The following USP34 variants were observed in gnomAD, a reference collection of about 807,000 sequenced individuals.
The protein encoded by USP34 is ubiquitin specific peptidase 34, also known as ubiquitin carboxyl-terminal hydrolase 34.
USP34 carries 70 observed loss-of-function variants against 460.3 expected under a neutral mutation model. That is an observed-to-expected ratio of 0.15 (90% CI 0.13 to 0.19). USP34 has a LOEUF of 0.19. USP34 is among the 10% of genes least tolerant of loss of function. The pLI is 1.00. For synonymous variants in USP34, 1,647 were observed against 1,405.3 expected, an observed-to-expected ratio of 1.17 and a Z score of -3.85; for missense variants, 3,985 against 4,236.2, an observed-to-expected ratio of 0.94 and a Z score of 1.65.
intron 5 of USP34, among the ~76,000 whole-genome samples, chr2:61,392,492 C>T (rs578030572): frequency 4.6e-5 from 7 of 152,064 alleles, no homozygotes; most frequent in African/African-American, 1.4e-4. Flanking sequence ...GGTGTGGTAG[C>T]GTGCACTAGT....
intron 1 of USP34, among the ~76,000 whole-genome samples, chr2:61,443,332 T>C (rs1360219210): frequency 1.3e-5 from 2 of 152,070 alleles, no homozygotes; most frequent in African/African-American, 2.4e-5. Context: ...TTGAGATGAA[T>C]ACACTAATTA....
At chr2:61,224,206 A>C (rs1687668278) in intron 62 of USP34, among the ~76,000 whole-genome samples, 1 of 152,214 alleles carries the variant, frequency 6.6e-6, no homozygotes, top group Non-Finnish European at 1.5e-5. Context: ...AGTCTCTTAA[A>C]TATTTTAATC....
chr2:61,397,902 GAAA>G (rs1011246354), intron 3 of USP34, among the ~76,000 whole-genome samples: 2 of 136,394 alleles, frequency 1.5e-5, no homozygotes, highest in South Asian at 4.7e-4. Context: ...TCATCTCAAA[GAAA>G]AAAAAAAAGA....
intron 67 of USP34, among the ~76,000 whole-genome samples, chr2:61,217,771 G>A (rs561458402): frequency 3.9e-5 from 6 of 152,036 alleles, no homozygotes; most frequent in African/African-American, 1.2e-4. Flanking sequence ...TGACCAATAC[G>A]GTGAAACCCC....
intron 48 of USP34, among the ~76,000 whole-genome samples, chr2:61,253,478 T>C (rs1688641069): frequency 6.6e-6 from 1 of 152,312 alleles, no homozygotes; most frequent in South Asian, 2.1e-4. Flanking sequence ...TGTAATTGCC[T>C]ACATAGCTAC....
intron 1 of USP34, among the ~76,000 whole-genome samples, chr2:61,433,828 C>T (rs1295593743): frequency 1.3e-5 from 2 of 152,270 alleles, no homozygotes; most frequent in South Asian, 2.1e-4. Flanking sequence ...AGAGCCACCT[C>T]TGGAGTGCAC....
intron 1 of USP34, among the ~76,000 whole-genome samples, chr2:61,451,426 T>C (rs1695273062): frequency 6.6e-6 from 1 of 151,978 alleles, no homozygotes; most frequent in South Asian, 2.1e-4. Context: ...GGCTCACGCC[T>C]GTAATCCCAG....
intron 27 of USP34, among the ~76,000 whole-genome samples, chr2:61,304,171 C>T (rs1238362165): frequency 6.6e-6 from 1 of 152,142 alleles, no homozygotes; most frequent in Non-Finnish European, 1.5e-5. Context: ...CTTGGGATTA[C>T]AGGCATGAGC....
intron 53 of USP34, among the ~76,000 whole-genome samples, chr2:61,240,730 C>T (rs1455998302): frequency 3.3e-5 from 5 of 152,068 alleles, no homozygotes; most frequent in African/African-American, 4.8e-5. Context: ...CCCACCAATA[C>T]ACCCAGCTAA....
chr2:61,257,158 A>C, intron 45 of USP34, 46 bp downstream of exon 45: 1 of 1,581,912 alleles, frequency 6.3e-7, no homozygotes, highest in Non-Finnish European at 8.6e-7. Context: ...AACGCAGGCA[A>C]ATTTGTTCAA....
At chr2:61,404,321 A>C (rs772787145) in intron 3 of USP34, among the ~76,000 whole-genome samples, 2 of 152,186 alleles carry the variant, frequency 1.3e-5, no homozygotes, top group Admixed American at 6.6e-5. Context: ...AATTCTTCAT[A>C]TTCCAGGATG....
intron 1 of USP34, among the ~76,000 whole-genome samples, chr2:61,427,346 C>G (rs969417577): frequency 6.6e-6 from 1 of 152,158 alleles, no homozygotes; most frequent in South Asian, 2.1e-4. Context: ...TTTCAAATAT[C>G]TAGAAAGCCT....
At chr2:61,234,263 C>T (rs557548154) in intron 57 of USP34, among the ~76,000 whole-genome samples, 1 of 152,198 alleles carries the variant, frequency 6.6e-6, no homozygotes, top group Non-Finnish European at 1.5e-5. Flanking sequence ...AACTATAATT[C>T]ATCTATTATA....
chr2:61,233,718 G>C (rs1055148702), intron 57 of USP34, among the ~76,000 whole-genome samples: 10 of 152,060 alleles, frequency 6.6e-5, no homozygotes, highest in African/African-American at 1.2e-4. Flanking sequence ...CCAGCTACTC[G>C]GGAGGCTGAG....
intron 1 of USP34, among the ~76,000 whole-genome samples, chr2:61,462,244 G>GAA (rs879426963): frequency 8.1e-6 from 1 of 124,220 alleles, no homozygotes. Context: ...CATCTCAGGG[G>GAA]GAAAAAAAAA....
chr2:61,306,708 G>GA (rs1312481658), intron 27 of USP34, among the ~76,000 whole-genome samples: 1 of 152,124 alleles, frequency 6.6e-6, no homozygotes, highest in Non-Finnish European at 1.5e-5. Flanking sequence ...AAAGACACAT[G>GA]AAAAAATGCT....
At chr2:61,341,948 C>T (rs1691616165) in intron 16 of USP34, among the ~76,000 whole-genome samples, 1 of 151,306 alleles carries the variant, frequency 6.6e-6, no homozygotes, top group Admixed American at 6.6e-5. Flanking sequence ...TTTTTAGTAC[C>T]AACGGGGTTT....
At chr2:61,237,541 C>T (rs1184310055) in intron 53 of USP34, among the ~76,000 whole-genome samples, 1 of 117,774 alleles carries the variant, frequency 8.5e-6, no homozygotes, top group Non-Finnish European at 1.8e-5. Context: ...ATGTGTATAG[C>T]TATTTTCTGT....
chr2:61,251,077 G>T (rs6707161), intron 48 of USP34, among the ~76,000 whole-genome samples: 3 of 152,176 alleles, frequency 2.0e-5, no homozygotes, highest in Admixed American at 2.0e-4. Context: ...GGCGGAGCTG[G>T]CAGTGAGCCA....
Sources: allele counts gnomAD v4.1 joint callset (sites outside exome capture counted in the v4.1 genomes callset), GRCh38; gene constraint gnomAD v4.1.1; transcripts MANE v1.5; gene names NCBI Gene and HGNC (gene_info 2026-07-23, HGNC 2026-07-21).